Variants in PLCXD3 observed in about 807,000 individuals in gnomAD.
PLCXD3 encodes the protein phosphatidylinositol specific phospholipase C X domain containing 3, also known as PI-PLC X domain-containing protein 3.
PLCXD3 carries 19 observed loss-of-function variants against 25.5 expected under a neutral mutation model. The observed-to-expected ratio is 0.75, with a 90% confidence interval of 0.52 to 1.09. The LOEUF (loss-of-function observed/expected upper bound fraction) is 1.09, where lower values mean the gene tolerates loss of function less well. Ranked by LOEUF, PLCXD3 falls within the 50% of genes least tolerant of loss-of-function variation. The probability of loss-of-function intolerance (pLI) is 0.00; values close to 1 mark genes in which losing one functional copy is unlikely to be tolerated. For synonymous variants in PLCXD3, 174 were observed against 137.6 expected, an observed-to-expected ratio of 1.26 and a Z score of -1.85; for missense variants, 411 against 388.1, an observed-to-expected ratio of 1.06 and a Z score of -0.50.
chr5:41,356,819 G>A (rs1183593199), intron 2 of PLCXD3, among the ~76,000 whole-genome samples: 1 of 152,050 alleles, frequency 6.6e-6, no homozygotes, highest in Non-Finnish European at 1.5e-5. Flanking sequence ...AGTCTCACTG[G>A]GTCATCCCTC....
At chr5:41,380,516 A>G (rs915232163) in intron 2 of PLCXD3, among the ~76,000 whole-genome samples, 6 of 152,012 alleles carry the variant, frequency 3.9e-5, no homozygotes, top group Non-Finnish European at 7.4e-5. Context: ...CTAGCTCCCC[A>G]TTGCTCACAG....
At chr5:41,366,399 G>A (rs1423309) in intron 2 of PLCXD3, among the ~76,000 whole-genome samples, 4 of 152,156 alleles carry the variant, frequency 2.6e-5, no homozygotes, top group African/African-American at 9.7e-5. Flanking sequence ...GAACTTAGGT[G>A]AAAAAGTACC....
chr5:41,315,066 A>G (rs973631022), intron 2 of PLCXD3, among the ~76,000 whole-genome samples: 1 of 152,134 alleles, frequency 6.6e-6, no homozygotes, highest in Non-Finnish European at 1.5e-5. Flanking sequence ...CCATTTTTTC[A>G]TTTGCTGACA....
intron 2 of PLCXD3, among the ~76,000 whole-genome samples, chr5:41,374,163 T>C (rs1228090772): frequency 2.6e-5 from 4 of 152,110 alleles, no homozygotes; most frequent in Admixed American, 1.3e-4. Flanking sequence ...ATGATTAAGG[T>C]GCAGCTTGTT....
chr5:41,388,795 AC>A (rs1018674934), intron 1 of PLCXD3, among the ~76,000 whole-genome samples: 2 of 151,944 alleles, frequency 1.3e-5, no homozygotes, highest in African/African-American at 4.8e-5. Flanking sequence ...CAAGAAGACT[AC>A]CTGATATGTG....
At chr5:41,509,689 T>A (rs2111604608) in intron 1 of PLCXD3, among the ~76,000 whole-genome samples, 1 of 152,328 alleles carries the variant, frequency 6.6e-6, no homozygotes, top group Admixed American at 6.5e-5. Flanking sequence ...TCCCGAGCAG[T>A]AAACATACGG....
At chr5:41,377,223 T>C (rs2150491018) in intron 2 of PLCXD3, among the ~76,000 whole-genome samples, 2 of 152,188 alleles carry the variant, frequency 1.3e-5, no homozygotes. Context: ...CAATAGTACC[T>C]CCACTTGGAG....
intron 1 of PLCXD3, among the ~76,000 whole-genome samples, chr5:41,436,738 A>G (rs1344994549): frequency 6.6e-6 from 1 of 152,204 alleles, no homozygotes; most frequent in East Asian, 1.9e-4. Flanking sequence ...ATCAAAAACT[A>G]CTTCATACAT....
chr5:41,492,071 A>G (rs796093342), intron 1 of PLCXD3, among the ~76,000 whole-genome samples: 1 of 119,700 alleles, frequency 8.4e-6, no homozygotes, highest in Non-Finnish European at 1.8e-5. Context: ...AGTGGCTGGT[A>G]CTGGTTGTTC....
Position 41,310,581 on chromosome 5 carries a change from T to C in PLCXD3, c.*3036A>G, listed in dbSNP as rs1464587970. ...TGCATAGGCTAAGGATAAGCTTCGA[T>C]TGCATATCACCATTTTTTACTTTTG... On this transcript the variant is annotated 3_prime_UTR_variant, in exon 3 of 3. Transcript: ENST00000377801. 6.6e-6 allele frequency: 1 copy of C among 152,586 alleles called. No homozygotes were observed. Among genetic ancestry groups the C allele is most frequent in the African/African-American group, 2.4e-5 (1 of 41,426 alleles). The allele number at this position is 152,586 out of a possible 1,614,324, so 9.5% of individuals were successfully genotyped here. A position where few individuals can be genotyped will look rare whatever the true frequency, so the allele number is the denominator to read the frequency against.
chr5:41,450,371 CAAGATA>C (rs1402757270), intron 1 of PLCXD3, among the ~76,000 whole-genome samples: 7 of 151,988 alleles, frequency 4.6e-5, no homozygotes. Flanking sequence ...CAAAGGTCTC[CAAGATA>C]AAGGACATGG....
At chr5:41,341,794 T>C (rs1744156587) in intron 2 of PLCXD3, among the ~76,000 whole-genome samples, 1 of 152,204 alleles carries the variant, frequency 6.6e-6, no homozygotes, top group East Asian at 1.9e-4. Context: ...AACTTGAATC[T>C]AAAATGAAAG....
intron 1 of PLCXD3, among the ~76,000 whole-genome samples, chr5:41,402,732 C>T (rs1025349077): frequency 6.6e-6 from 1 of 151,872 alleles, no homozygotes; most frequent in Admixed American, 6.6e-5. Context: ...TTTTGAAGCT[C>T]TCTTATTGTT....
rs1390429239 is a variant in PLCXD3, at chr5:41,330,857, T to C, written c.813-17087A>G. 4.6e-5 allele frequency among the ~76,000 whole-genome samples: 7 copies of C among 152,128 alleles called. No homozygotes were observed. In the South Asian group the frequency reaches 1.2e-3, roughly 27 times the overall value. On this transcript the variant is annotated intron_variant, in intron 2 of 2. Transcript: ENST00000377801. ...CAAAGACAAAAACCACATGATTATC[T>C]CAATAGATGCAGAAAAGACCTTTGA...
intron 2 of PLCXD3, among the ~76,000 whole-genome samples, chr5:41,347,873 G>A (rs373895514): frequency 1.2e-4 from 18 of 152,260 alleles, no homozygotes; most frequent in African/African-American, 4.3e-4. Flanking sequence ...ATAAAATTTA[G>A]CTGGGCTTCT....
intron 1 of PLCXD3, among the ~76,000 whole-genome samples, chr5:41,414,123 A>G (rs751150775): frequency 1.3e-5 from 2 of 152,238 alleles, no homozygotes; most frequent in Non-Finnish European, 2.9e-5. Context: ...GCCCAGTGAA[A>G]CTGAGGCTTC....
intron 2 of PLCXD3, among the ~76,000 whole-genome samples, chr5:41,352,979 G>A (rs1744512656): frequency 6.6e-6 from 1 of 152,108 alleles, no homozygotes; most frequent in African/African-American, 2.4e-5. Flanking sequence ...TTTAAAGCCA[G>A]TGCCTATCAT....
chr5:41,460,767 C>A (rs911083165), intron 1 of PLCXD3, among the ~76,000 whole-genome samples: 2 of 151,962 alleles, frequency 1.3e-5, no homozygotes, highest in African/African-American at 4.8e-5. Context: ...CACCAAGTGG[C>A]TTACAGTTTA....
At chr5:41,411,825 T>C (rs1354091427) in intron 1 of PLCXD3, among the ~76,000 whole-genome samples, 2 of 149,250 alleles carry the variant, frequency 1.3e-5, no homozygotes, top group Non-Finnish European at 3.0e-5. Flanking sequence ...TATGTCCATA[T>C]TGATATCCAT....
Sources: allele counts gnomAD v4.1 joint callset (sites outside exome capture counted in the v4.1 genomes callset), GRCh38; gene constraint gnomAD v4.1.1; transcripts MANE v1.5; gene names NCBI Gene and HGNC (gene_info 2026-07-23, HGNC 2026-07-21).